The following C14orf132 variants were observed in gnomAD, a reference collection of about 807,000 sequenced individuals.
The protein encoded by C14orf132 is chromosome 14 open reading frame 132, also known as uncharacterized protein C14orf132.
A neutral mutation model predicts 5.8 loss-of-function variants in C14orf132; 6 were observed. That is an observed-to-expected ratio of 1.03 (90% confidence interval 0.57 to 2.04). C14orf132 has a LOEUF of 2.04. C14orf132 is among the 30% of genes most tolerant of loss of function. The pLI, the probability that C14orf132 is intolerant of heterozygous loss-of-function variation, is 0.00. For missense variants in C14orf132, 125 were observed against 115.8 expected, an observed-to-expected ratio of 1.08 and a Z score of -0.37; for synonymous variants, 51 against 49.8, an observed-to-expected ratio of 1.02 and a Z score of -0.10.
chr14:96,049,764 T>C (rs1886977613), intron 1 of C14orf132, among the ~76,000 whole-genome samples: 1 of 116,824 alleles, frequency 8.6e-6, no homozygotes, highest in African/African-American at 2.9e-5. Flanking sequence ...GTCTCTTCAT[T>C]TTTTTTTTTT....
chr14:96,060,488 T>C (rs1887319590), intron 1 of C14orf132, among the ~76,000 whole-genome samples: 1 of 152,184 alleles, frequency 6.6e-6, no homozygotes, highest in Admixed American at 6.5e-5. Context: ...ATTGCTTGAG[T>C]GGCTAAACAG....
At chr14:96,042,193 C>T (rs1203040082) in intron 1 of C14orf132, among the ~76,000 whole-genome samples, 3 of 152,064 alleles carry the variant, frequency 2.0e-5, no homozygotes, top group East Asian at 3.9e-4. Context: ...GGAGAGATAT[C>T]GAGATAGCGA....
At chr14:96,077,671 G>T (rs956889304) in intron 1 of C14orf132, among the ~76,000 whole-genome samples, 1 of 152,172 alleles carries the variant, frequency 6.6e-6, no homozygotes, top group African/African-American at 2.4e-5. Context: ...GGGGTACTTT[G>T]TATGGCAGCC....
chr14:96,042,709 G>A (rs1036226566), intron 1 of C14orf132, among the ~76,000 whole-genome samples: 10 of 152,188 alleles, frequency 6.6e-5, no homozygotes, highest in South Asian at 2.1e-4. Flanking sequence ...TGCAGTACAC[G>A]TGGCTGTATG....
At chr14:96,047,846 G>A (rs891286660) in intron 1 of C14orf132, among the ~76,000 whole-genome samples, 8 of 152,096 alleles carry the variant, frequency 5.3e-5, no homozygotes, top group African/African-American at 1.9e-4. Context: ...CATCCCCACC[G>A]GAGCTGTGCA....
At chr14:96,079,537 C>A (rs1887970585) in intron 1 of C14orf132, among the ~76,000 whole-genome samples, 1 of 152,012 alleles carries the variant, frequency 6.6e-6, no homozygotes, top group Admixed American at 6.6e-5. Context: ...TCATGAGTAA[C>A]CCTTGGTGTG....
At chr14:96,048,687 A>G (rs1430044076) in intron 1 of C14orf132, among the ~76,000 whole-genome samples, 1 of 151,762 alleles carries the variant, frequency 6.6e-6, no homozygotes, top group Non-Finnish European at 1.5e-5. Context: ...CACCATACCC[A>G]GCTAATTTTT....
chr14:96,052,525 G>A (rs773848692), intron 1 of C14orf132, among the ~76,000 whole-genome samples: 1 of 152,232 alleles, frequency 6.6e-6, no homozygotes, highest in African/African-American at 2.4e-5. Context: ...CCAGCCCAGG[G>A]CTAGAACCAG....
chr14:96,086,546 C>A lies in C14orf132; in HGVS notation c.63C>A (p.Pro21=), dbSNP rs1050606189. ...PMMGGAFMDS[P]NEDFSTEYSL... is the part of the protein sequence containing the mutation. ...TGGGGGGAGCTTTCATGGACTCGCC[C>A]AACGAGGACTTCAGCACCGAGTACT... is the stretch of plus-strand genomic sequence containing the variant. The change falls in exon 2 of 2, where the codon CCC becomes CCA. Residue 21 remains proline, a synonymous_variant. Coordinates refer to ENST00000555004, the MANE Select transcript of C14orf132 (RefSeq NM_001252507.3). The A allele has an allele frequency of 5.9e-6, 9 of 1,536,002 alleles. No homozygotes were observed. The African/African-American group carries it at 1.1e-4, about 19-fold the overall frequency.
chr14:96,048,218 A>G (rs1329181612), intron 1 of C14orf132, among the ~76,000 whole-genome samples: 1 of 152,178 alleles, frequency 6.6e-6, no homozygotes, highest in South Asian at 2.1e-4. Context: ...TCCAAAGTCC[A>G]TAGTTTACAT....
intron 1 of C14orf132, among the ~76,000 whole-genome samples, chr14:96,044,742 A>G (rs528310675): frequency 6.6e-6 from 1 of 152,162 alleles, no homozygotes; most frequent in Non-Finnish European, 1.5e-5. Context: ...TTGTGGACAC[A>G]TTGCTGTAGT....
chr14:96,070,933 C>T (rs1887690755), intron 1 of C14orf132, among the ~76,000 whole-genome samples: 1 of 152,092 alleles, frequency 6.6e-6, no homozygotes, highest in Admixed American at 6.5e-5. Context: ...TAAAGGTCAT[C>T]GATCATTGTA....
chr14:96,050,783 G>A (rs889501057), intron 1 of C14orf132, among the ~76,000 whole-genome samples: 6 of 151,986 alleles, frequency 3.9e-5, no homozygotes, highest in African/African-American at 1.5e-4. Context: ...CCCATCTCTC[G>A]AGGGTCACTG....
At position 96,070,468 on chromosome 14, in the gene C14orf132, G is replaced by C. The variant is rs528500847; in HGVS notation, c.28-16043G>C. Among the ~76,000 whole-genome samples, 21 of 152,206 alleles carry C rather than the reference G, an allele frequency of 1.4e-4. No homozygotes were observed. The East Asian group carries it at 4.1e-3, about 29-fold the overall frequency. ...CCCATGGCAGATAAAACTGGAGCCAGGTTTGTAGAAATGCAAGTCCTTAGG... is the reference window on the plus strand; with the variant it reads ...CCCATGGCAGATAAAACTGGAGCCACGTTTGTAGAAATGCAAGTCCTTAGG... On this transcript the variant is annotated intron_variant, in intron 1 of 1. Coordinates refer to ENST00000555004, the MANE Select transcript of C14orf132 (RefSeq NM_001252507.3).
chr14:96,043,657 A>G (rs1886755213), intron 1 of C14orf132, among the ~76,000 whole-genome samples: 1 of 152,102 alleles, frequency 6.6e-6, no homozygotes, highest in Non-Finnish European at 1.5e-5. Flanking sequence ...AGCTGATCCC[A>G]GTGGTCAATG....
At chr14:96,086,224 G>T (rs1417413788) in intron 1 of C14orf132, among the ~76,000 whole-genome samples, 1 of 152,220 alleles carries the variant, frequency 6.6e-6, no homozygotes, top group African/African-American at 2.4e-5. Flanking sequence ...AATGGCTGGA[G>T]GGGTTGCTGT....
chr14:96,051,698 C>T (rs1180119055), intron 1 of C14orf132, among the ~76,000 whole-genome samples: 3 of 152,222 alleles, frequency 2.0e-5, no homozygotes, highest in Non-Finnish European at 4.4e-5. Context: ...CTCTGACCTC[C>T]TGCCAATCCT....
intron 1 of C14orf132, among the ~76,000 whole-genome samples, chr14:96,072,108 C>A (rs73343438): frequency 0.03 from 4,584 of 152,252 alleles, 226 homozygotes; most frequent in African/African-American, 0.1. Flanking sequence ...AATGGAAAGG[C>A]CTGGGACTCA....
At chr14:96,044,375 T>C (rs1174093855) in intron 1 of C14orf132, among the ~76,000 whole-genome samples, 1 of 152,184 alleles carries the variant, frequency 6.6e-6, no homozygotes, top group East Asian at 1.9e-4. Context: ...AAATGAGGTC[T>C]CATTATATTG....
Sources: gnomAD v4.1 joint callset for allele counts (sites outside exome capture counted in the v4.1 genomes callset) on GRCh38, gnomAD v4.1.1 for gene constraint, MANE v1.5 for transcripts, NCBI Gene and HGNC (gene_info 2026-07-23, HGNC 2026-07-21) for gene names.